Variants in SPNS3 observed in about 807,000 individuals in gnomAD.
The protein encoded by SPNS3 is SPNS lysolipid transporter 3, sphingosine-1-phosphate (putative).
Under a neutral mutation model 54.4 loss-of-function variants are expected in SPNS3, and 51 were observed. The observed-to-expected ratio is 0.94, with a 90% CI of 0.75 to 1.18. SPNS3 has a LOEUF of 1.18. Ranked by LOEUF, SPNS3 falls within the 50% of genes most tolerant of loss-of-function variation. The pLI is 0.00. For missense variants in SPNS3, 669 were observed against 677.4 expected, an observed-to-expected ratio of 0.99 and a Z score of 0.14; for synonymous variants, 309 against 294.7, an observed-to-expected ratio of 1.05 and a Z score of -0.50.
chr17:4,447,222 C>G (rs1252790163), intron 5 of SPNS3, among the ~76,000 whole-genome samples: 2 of 152,120 alleles, frequency 1.3e-5, no homozygotes, highest in Admixed American at 1.3e-4. Context: ...TCTTCAGAGC[C>G]TCAGTTTGCC....
At chr17:4,464,877 C>T (rs1418785077) in intron 8 of SPNS3, among the ~76,000 whole-genome samples, 1 of 152,088 alleles carries the variant, frequency 6.6e-6, no homozygotes, top group East Asian at 1.9e-4. Flanking sequence ...GATGGGGTTT[C>T]ACCATGTTGG....
chr17:4,455,252 G>A (rs1319424589), intron 8 of SPNS3, among the ~76,000 whole-genome samples: 1 of 152,168 alleles, frequency 6.6e-6, no homozygotes, highest in Non-Finnish European at 1.5e-5. Flanking sequence ...AACTGCCTTG[G>A]GAAGAGGCAG....
intron 3 of SPNS3, among the ~76,000 whole-genome samples, 187 bp from the exon 4 acceptor site, chr17:4,445,861 T>G (rs1317695286): frequency 6.6e-6 from 1 of 151,964 alleles, no homozygotes; most frequent in Non-Finnish European, 1.5e-5. Flanking sequence ...GGGCAGGTGG[T>G]GGCTGCAGGG....
At position 4,483,128 on chromosome 17, in the gene SPNS3, C is replaced by T. The variant is rs552413081; in HGVS notation, c.1180-3100C>T. ...GGTAGCTGTCTGCTCACTGGCCTGT[C>T]TCACCCTCTCAGGGGCGTCTGGGGG... On this transcript the variant is annotated intron_variant, in intron 9 of 11. Transcript: ENST00000355530. The surrounding 1 kb of genome is among the most constrained non-coding windows in gnomAD (Gnocchi z 4.2). Among the ~76,000 whole-genome samples, 7 of 152,328 alleles carry T rather than the reference C, an allele frequency of 4.6e-5. No homozygotes were observed. Among genetic ancestry groups the T allele is most frequent in the Non-Finnish European group, 7.4e-5 (5 of 68,026 alleles).
rs555603120 is a variant in SPNS3, at chr17:4,435,224, A to T, written c.199+1058A>T. Among the ~76,000 whole-genome samples, 941 of 152,092 alleles carry T rather than the reference A, an allele frequency of 6.2e-3. 4 individuals carry two copies. The highest frequency in any genetic ancestry group is 9.1e-3 in the South Asian group (44 of 4,830). On this transcript the variant is annotated intron_variant, in intron 1 of 11. Transcript: ENST00000355530. ...GATCACTTGAAGTGAGGACTTTGTG[A>T]CCAGCCTGGGCAACATGGTGAAACC...
At position 4,464,245 on chromosome 17, in the gene SPNS3, G is replaced by A. The variant is rs529204278; in HGVS notation, c.1113+11040G>A. Among the ~76,000 whole-genome samples the A allele has an allele frequency of 1.5e-4, 23 of 152,276 alleles. No homozygotes were observed. The South Asian group carries it at 2.1e-3, about 14-fold the overall frequency. Reference sequence around the variant, plus strand: ...TCTTGGCAAGGGAAGTGGACTTCTCGGCTGTTAATTAGGGTCCAGACACGC... The same window carrying A: ...TCTTGGCAAGGGAAGTGGACTTCTCAGCTGTTAATTAGGGTCCAGACACGC... On this transcript the variant is annotated intron_variant, in intron 8 of 11. Transcript: ENST00000355530.
Position 4,433,951 on chromosome 17 carries a change from A to C in SPNS3, c.-17A>C. Reference sequence around the variant, plus strand: ...TTCATCCTGGCGCCAGTCTCAGGCCAAGAGCTGCAGGCTGGCATGGCTGGG... The same window carrying C: ...TTCATCCTGGCGCCAGTCTCAGGCCCAGAGCTGCAGGCTGGCATGGCTGGG... On this transcript the variant is annotated 5_prime_UTR_variant, in exon 1 of 12. Coordinates refer to ENST00000355530, the MANE Select transcript of SPNS3 (RefSeq NM_182538.5). The C allele has an allele frequency of 6.6e-7, 1 of 1,504,992 alleles. No individual in the cohort carries two copies. Among genetic ancestry groups the C allele is most frequent in the South Asian group, 1.3e-5 (1 of 75,572 alleles). The allele number at this position is 1,504,992 out of a possible 1,614,324, so 93.2% of individuals were successfully genotyped here. A position where few individuals can be genotyped will look rare whatever the true frequency, so the allele number is the denominator to read the frequency against.
chr17:4,448,094 G>C (rs1230073040), intron 5 of SPNS3, 61 bp from the exon 6 acceptor site: 1 of 1,472,476 alleles, frequency 6.8e-7, no homozygotes, highest in Non-Finnish European at 9.0e-7. Context: ...AGTTGCCCCC[G>C]GGGGTCCCTT....
In SPNS3 at chr17:4,446,837, G is replaced by T. The variant is rs891557364; in HGVS notation, c.555-59G>T. The T allele has an allele frequency of 3.1e-5, 47 of 1,527,998 alleles. No individual in the cohort carries two copies. In the Middle Eastern group the frequency reaches 7.7e-4, roughly 25 times the overall value. 94.7% of individuals were successfully genotyped at this position (1,527,998 alleles called of 1,614,324 possible). A position where few individuals can be genotyped will look rare whatever the true frequency, so the allele number is the denominator to read the frequency against. On this transcript the variant is annotated intron_variant, in intron 4 of 11. Transcript: ENST00000355530. ...GGGCACCCTGGGTCAGGCTGGTGGT[G>T]GGGTCTGCCTTCCGCCTCCCTCCCC... is the stretch of plus-strand genomic sequence containing the variant.
intron 8 of SPNS3, among the ~76,000 whole-genome samples, chr17:4,469,103 A>T (rs1002446823): frequency 1.3e-5 from 2 of 150,032 alleles, no homozygotes; most frequent in Non-Finnish European, 3.0e-5. Context: ...CCTGTTTTCT[A>T]AGACAGGTTC....
At chr17:4,458,221 C>T (rs564126204) in intron 8 of SPNS3, among the ~76,000 whole-genome samples, 57 of 152,288 alleles carry the variant, frequency 3.7e-4, no homozygotes, top group African/African-American at 1.3e-3. Flanking sequence ...CCTTCCTGGT[C>T]TCCGTGTCTT....
In SPNS3 at chr17:4,448,234, C is replaced by T. The variant is rs1971052724; in HGVS notation, c.701C>T (p.Thr234Ile). The change falls in exon 6 of 12, where the codon ACA becomes ATA. Residue 234 changes from threonine (T) to isoleucine (I), a missense_variant. By Grantham distance (89) the Thr-to-Ile change is moderately conservative. Coordinates refer to ENST00000355530, the MANE Select transcript of SPNS3 (RefSeq NM_182538.5). ...GACCCACCCCGGGGAGCTGCCGAGA[C>T]ACAGGGGGAGGGGGCCGTGGGAGGC... ...VPDPPRGAAE[T>I]QGEGAVGGFR... 1.2e-6 allele frequency: 2 copies of T among 1,601,992 alleles called. No homozygotes were observed. The highest frequency in any genetic ancestry group is 1.3e-5 in the African/African-American group (1 of 74,412).
chr17:4,453,223 T>C lies in SPNS3; in HGVS notation c.1113+18T>C. ...CCTCCTATGTAAGTGAGAGCCTCTATGGAGGTGGGGACAGGGTTGGGGGGC... is the reference window on the plus strand; with the variant it reads ...CCTCCTATGTAAGTGAGAGCCTCTACGGAGGTGGGGACAGGGTTGGGGGGC... On this transcript the variant is annotated intron_variant, in intron 8 of 11. Coordinates refer to ENST00000355530, the MANE Select transcript of SPNS3 (RefSeq NM_182538.5). The C allele has an allele frequency of 3.1e-6, 5 of 1,605,442 alleles. No individual in the cohort carries two copies. Among genetic ancestry groups the C allele is most frequent in the Non-Finnish European group, 3.4e-6 (4 of 1,175,564 alleles).
chr17:4,463,242 A>G (rs1319567839), intron 8 of SPNS3, among the ~76,000 whole-genome samples: 1 of 149,696 alleles, frequency 6.7e-6, no homozygotes, highest in African/African-American at 2.5e-5. Context: ...TACTGGAAAT[A>G]CAGAAATTAG....
intron 5 of SPNS3, among the ~76,000 whole-genome samples, chr17:4,447,422 T>C (rs1010129444): frequency 6.6e-6 from 1 of 152,188 alleles, no homozygotes; most frequent in Non-Finnish European, 1.5e-5. Context: ...CTCCAGCCCT[T>C]GTGTTTCCAA....
chr17:4,462,736 C>T (rs1353888318), intron 8 of SPNS3, among the ~76,000 whole-genome samples: 5 of 7,394 alleles, frequency 6.8e-4, no homozygotes, highest in African/African-American at 2.3e-3. Flanking sequence ...CACCCATCCA[C>T]CAATCCATCC....
chr17:4,443,726 C>T (rs897298029), intron 2 of SPNS3, among the ~76,000 whole-genome samples: 31 of 152,228 alleles, frequency 2.0e-4, no homozygotes, highest in Admixed American at 1.1e-3. Flanking sequence ...CCAGAAGTTG[C>T]GTTTCTAATT....
intron 1 of SPNS3, among the ~76,000 whole-genome samples, chr17:4,435,924 T>A (rs1011221246): frequency 6.6e-5 from 10 of 152,066 alleles, no homozygotes; most frequent in African/African-American, 2.4e-4. Context: ...AGAGCGAGAC[T>A]CCGTCTCAAA....
chr17:4,460,010 C>T (rs1465108676), intron 8 of SPNS3, among the ~76,000 whole-genome samples: 1 of 152,004 alleles, frequency 6.6e-6, no homozygotes, highest in Admixed American at 6.6e-5. Flanking sequence ...TGAATAAAGA[C>T]CTGTAGGGGG....
Sources: gnomAD v4.1 joint callset for allele counts (sites outside exome capture counted in the v4.1 genomes callset) on GRCh38, gnomAD v4.1.1 for gene constraint, Gnocchi (gnomAD v3.1) non-coding constraint, MANE v1.5 for transcripts, NCBI Gene and HGNC (gene_info 2026-07-23, HGNC 2026-07-21) for gene names.